NAALADL2: variants seen among roughly 807,000 people sequenced by gnomAD.
The protein encoded by NAALADL2 is N-acetylated alpha-linked acidic dipeptidase like 2, also known as inactive N-acetylated-alpha-linked acidic dipeptidase-like protein 2.
Under a neutral mutation model 87.2 loss-of-function variants are expected in NAALADL2, and 76 were observed. That is an observed-to-expected ratio of 0.87 (90% CI 0.72 to 1.05). NAALADL2 has a LOEUF of 1.05. Among genes scored for constraint, NAALADL2 ranks in the 50% least tolerant of loss-of-function variants. The pLI is 0.00. For missense variants in NAALADL2, 1,089 were observed against 945.8 expected (o/e 1.15, Z -1.99); for synonymous variants, 354 against 331.0 (o/e 1.07, Z -0.75).
chr3:174,806,690 C>G (rs2109274786), intron 3 of NAALADL2, among the ~76,000 whole-genome samples: 1 of 152,284 alleles, frequency 6.6e-6, no homozygotes, highest in African/African-American at 2.4e-5. Flanking sequence ...GAATCCAAAG[C>G]TCTGTTCTTT....
chr3:175,429,214 T>TAC (rs1436970636), intron 5 of NAALADL2, among the ~76,000 whole-genome samples: 27 of 150,476 alleles, frequency 1.8e-4, no homozygotes, highest in Admixed American at 2.7e-4. Flanking sequence ...CACACACATA[T>TAC]ATATACATAT....
intron 1 of NAALADL2, among the ~76,000 whole-genome samples, chr3:175,082,396 T>G (rs1221929573): frequency 6.6e-6 from 1 of 152,206 alleles, no homozygotes; most frequent in Non-Finnish European, 1.5e-5. Context: ...GCAACTAATT[T>G]GACTATCATA....
intron 10 of NAALADL2, among the ~76,000 whole-genome samples, chr3:175,587,154 C>G (rs1299817738): frequency 2.0e-5 from 3 of 152,120 alleles, no homozygotes; most frequent in African/African-American, 7.2e-5. Context: ...GATCGTGGAT[C>G]CCAAATATTT....
chr3:175,175,039 TC>T (rs1205597908), intron 2 of NAALADL2, among the ~76,000 whole-genome samples: 1 of 152,064 alleles, frequency 6.6e-6, no homozygotes, highest in Non-Finnish European at 1.5e-5. Context: ...CTTCTGTTTT[TC>T]GTTGTATCAT....
chr3:175,098,517 A>T (rs906659498), intron 2 of NAALADL2, among the ~76,000 whole-genome samples: 1 of 152,064 alleles, frequency 6.6e-6, no homozygotes, highest in Non-Finnish European at 1.5e-5. Flanking sequence ...GGGGGGCATA[A>T]CCTCAGCTGG....
At chr3:175,486,649 T>C (rs548037394) in intron 9 of NAALADL2, among the ~76,000 whole-genome samples, 1 of 152,260 alleles carries the variant, frequency 6.6e-6, no homozygotes, top group South Asian at 2.1e-4. Flanking sequence ...AGAATGAAAC[T>C]TTTTAAATGT....
At chr3:175,335,551 G>A (rs1225462211) in intron 5 of NAALADL2, among the ~76,000 whole-genome samples, 2 of 152,164 alleles carry the variant, frequency 1.3e-5, no homozygotes, top group African/African-American at 2.4e-5. Context: ...ACATAGATGA[G>A]TGCTCCTAAA....
At chr3:175,349,424 G>C (rs562817103) in intron 5 of NAALADL2, among the ~76,000 whole-genome samples, 4 of 152,040 alleles carry the variant, frequency 2.6e-5, no homozygotes, top group Admixed American at 2.6e-4. Context: ...TAGAGTGTGC[G>C]GAGGGGGAAA....
chr3:175,327,701 A>G (rs535640654), intron 5 of NAALADL2, among the ~76,000 whole-genome samples: 3 of 147,080 alleles, frequency 2.0e-5, no homozygotes, highest in South Asian at 4.2e-4. Flanking sequence ...GTAGCAAACT[A>G]TGGGAAGATA....
intron 2 of NAALADL2, among the ~76,000 whole-genome samples, chr3:174,677,345 A>G (rs545514685): frequency 7.9e-5 from 12 of 151,978 alleles, no homozygotes; most frequent in African/African-American, 2.4e-4. Context: ...CATTCATATC[A>G]TTGTAGCTGT....
At chr3:174,898,085 C>A (rs1731803766) in intron 1 of NAALADL2, among the ~76,000 whole-genome samples, 2 of 100,176 alleles carry the variant, frequency 2.0e-5, no homozygotes, top group Non-Finnish European at 3.4e-5. Flanking sequence ...TGCACTCCAG[C>A]CTGGGTGACA....
intron 3 of NAALADL2, among the ~76,000 whole-genome samples, chr3:174,809,249 T>A (rs1001536424): frequency 3.7e-4 from 56 of 152,180 alleles, no homozygotes; most frequent in Non-Finnish European, 1.5e-5. Context: ...AGGCTCCATA[T>A]GCTTTGGAGG....
At chr3:174,599,873 T>C (rs1240419974) in intron 2 of NAALADL2, among the ~76,000 whole-genome samples, 1 of 152,146 alleles carries the variant, frequency 6.6e-6, no homozygotes, top group Non-Finnish European at 1.5e-5. Flanking sequence ...TAGGCAGTTT[T>C]TATATTCTAT....
chr3:175,250,996 C>T (rs1017936703), intron 3 of NAALADL2, among the ~76,000 whole-genome samples: 1 of 152,134 alleles, frequency 6.6e-6, no homozygotes, highest in Non-Finnish European at 1.5e-5. Context: ...AGAGGGCAAC[C>T]TATCTGATTT....
At chr3:175,468,327 A>T (rs1724395688) in intron 8 of NAALADL2, among the ~76,000 whole-genome samples, 1 of 152,114 alleles carries the variant, frequency 6.6e-6, no homozygotes, top group Non-Finnish European at 1.5e-5. Context: ...TCAAATGAAA[A>T]AATTCCATTG....
intron 13 of NAALADL2, among the ~76,000 whole-genome samples, chr3:175,802,110 T>A (rs1321187795): frequency 4.6e-5 from 7 of 151,484 alleles, no homozygotes; most frequent in Non-Finnish European, 8.8e-5. Flanking sequence ...ATTCCAGACA[T>A]AATAACATTT....
rs1338850176 is a variant in NAALADL2 at position 175,755,209 on chromosome 3, A to T, written c.1991-11A>T. The stretch of plus-strand genomic sequence containing the variant: ...TGTCTCTTCTGAGATGGGCTCATTT[A>T]TCTTCACCAGGTGATCAACCCAACA... On this transcript the variant is annotated splice_polypyrimidine_tract_variant and intron_variant, in intron 12 of 13. Transcript: ENST00000454872. 2 of 1,603,122 alleles carry T rather than the reference A, an allele frequency of 1.2e-6. No homozygotes were observed. Among genetic ancestry groups the T allele is most frequent in the South Asian group, 1.1e-5 (1 of 87,326 alleles).
intron 1 of NAALADL2, among the ~76,000 whole-genome samples, chr3:174,462,222 A>G (rs1401265358): frequency 1.3e-5 from 2 of 152,008 alleles, no homozygotes; most frequent in African/African-American, 2.4e-5. Context: ...CCGTATTTCC[A>G]CAAAGGTATG....
intron 13 of NAALADL2, among the ~76,000 whole-genome samples, chr3:175,770,186 GT>G (rs1749300498): frequency 6.6e-6 from 1 of 152,166 alleles, no homozygotes; most frequent in African/African-American, 2.4e-5. Context: ...CAGAGATCAT[GT>G]TGGTGGGAAT....
Sources: allele counts gnomAD v4.1 joint callset (sites outside exome capture counted in the v4.1 genomes callset), GRCh38; gene constraint gnomAD v4.1.1; transcripts MANE v1.5; gene names NCBI Gene and HGNC (gene_info 2026-07-23, HGNC 2026-07-21).